UNC13C: variants seen among roughly 807,000 people sequenced by gnomAD.
The protein encoded by UNC13C is protein unc-13 homolog C.
In UNC13C, 174 loss-of-function variants were observed where a neutral mutation model predicts 245.4. The observed-to-expected ratio is 0.71, with a 90% CI of 0.63 to 0.80. The LOEUF (loss-of-function observed/expected upper bound fraction) is 0.80, where lower values mean the gene tolerates loss of function less well. Ranked by LOEUF, UNC13C falls within the 30% of genes least tolerant of loss-of-function variation. The pLI, the probability that UNC13C is intolerant of heterozygous loss-of-function variation, is 0.00. For synonymous variants in UNC13C, 992 were observed against 895.1 expected, an observed-to-expected ratio of 1.11 and a Z score of -1.93; for missense variants, 2,829 against 2,602.9, an observed-to-expected ratio of 1.09 and a Z score of -1.89.
intron 23 of UNC13C, among the ~76,000 whole-genome samples, chr15:54,508,505 G>A (rs1275832690): frequency 1.3e-5 from 2 of 151,972 alleles, no homozygotes; most frequent in African/African-American, 4.8e-5. Context: ...TTTATACTTG[G>A]AAAAATTAAA....
At chr15:54,463,975 T>C (rs1476493645) in intron 19 of UNC13C, among the ~76,000 whole-genome samples, 2 of 152,110 alleles carry the variant, frequency 1.3e-5, no homozygotes, top group Non-Finnish European at 2.9e-5. Context: ...ATCTACATAG[T>C]TATTAAAATC....
intron 4 of UNC13C, among the ~76,000 whole-genome samples, chr15:54,148,849 T>C (rs1897065): frequency 0.93 from 140,895 of 152,234 alleles, 66,096 homozygotes; most frequent in Non-Finnish European, 1. Context: ...ATGCTCTGAA[T>C]CAGGTTTGCC....
chr15:54,153,866 G>A lies in UNC13C; in HGVS notation c.3071+10182G>A, dbSNP rs115652070. On this transcript the variant is annotated intron_variant, in intron 4 of 32. Transcript: ENST00000260323. Reference sequence around the variant, plus strand: ...ATGATTGATATTGTACTCAGGGGTGGCTCTTATTGAAATGCCTCAGGAATT... The same window carrying A: ...ATGATTGATATTGTACTCAGGGGTGACTCTTATTGAAATGCCTCAGGAATT... 4.2e-3 allele frequency among the ~76,000 whole-genome samples: 644 copies of A among 151,966 alleles called. 1 individual carries two copies. Among genetic ancestry groups the A allele is most frequent in the African/African-American group, 0.015 (625 of 41,510 alleles).
At chr15:54,133,074 T>C (rs981165788) in intron 2 of UNC13C, among the ~76,000 whole-genome samples, 2 of 152,034 alleles carry the variant, frequency 1.3e-5, no homozygotes, top group African/African-American at 4.8e-5. Flanking sequence ...TGAATATTTA[T>C]TTTTCGTGGT....
At chr15:54,340,834 T>G (rs925766830) in intron 17 of UNC13C, among the ~76,000 whole-genome samples, 1 of 152,236 alleles carries the variant, frequency 6.6e-6, no homozygotes, top group Admixed American at 6.5e-5. Flanking sequence ...ATTATCATGG[T>G]ATTTTGATGG....
the UNC13C span, among the ~76,000 whole-genome samples, chr15:53,933,666 C>T: frequency 6.6e-6 from 1 of 152,156 alleles, no homozygotes; most frequent in African/African-American, 2.4e-5. Flanking sequence ...ACTGTAGCTC[C>T]CTGAGTGCAC....
chr15:54,411,538 GA>G (rs1442158069), intron 18 of UNC13C, among the ~76,000 whole-genome samples: 1 of 152,058 alleles, frequency 6.6e-6, no homozygotes, highest in African/African-American at 2.4e-5. Context: ...TATGAGTCAA[GA>G]TTTTTTTCTT....
chr15:54,415,329 C>T (rs1305987448), intron 19 of UNC13C, among the ~76,000 whole-genome samples: 1 of 152,046 alleles, frequency 6.6e-6, no homozygotes, highest in Non-Finnish European at 1.5e-5. Context: ...TGCTCATATG[C>T]AAGAATACTT....
chr15:53,997,841 T>A (rs897153435), intron 1 of UNC13C, among the ~76,000 whole-genome samples: 1 of 152,146 alleles, frequency 6.6e-6, no homozygotes, highest in East Asian at 1.9e-4. Context: ...CTCACTCTGT[T>A]GCCCAGGCTG....
chr15:54,008,630 C>G (rs1895247413), intron 1 of UNC13C, among the ~76,000 whole-genome samples: 1 of 152,122 alleles, frequency 6.6e-6, no homozygotes, highest in South Asian at 2.1e-4. Flanking sequence ...ATGATGTTAT[C>G]TTTGCGTTCA....
At chr15:54,230,808 A>G (rs1398404342) in intron 4 of UNC13C, among the ~76,000 whole-genome samples, 1 of 152,064 alleles carries the variant, frequency 6.6e-6, no homozygotes. Context: ...AACTTGATTT[A>G]ATCAGCCCAC....
intron 2 of UNC13C, among the ~76,000 whole-genome samples, chr15:54,027,297 G>A (rs1896152358): frequency 6.6e-6 from 1 of 152,118 alleles, no homozygotes; most frequent in Non-Finnish European, 1.5e-5. Context: ...AGACACTATG[G>A]AAAGCCATGG....
chr15:53,857,214 G>A, the UNC13C span, among the ~76,000 whole-genome samples: 1 of 152,130 alleles, frequency 6.6e-6, no homozygotes, highest in Non-Finnish European at 1.5e-5. Flanking sequence ...CTCTGGCTCA[G>A]GAGGCTGTCT....
At chr15:54,077,376 C>CCTT (rs1898687646) in intron 2 of UNC13C, among the ~76,000 whole-genome samples, 2 of 62,698 alleles carry the variant, frequency 3.2e-5, no homozygotes, top group Non-Finnish European at 5.7e-5. Context: ...CTTTTCTTTT[C>CCTT]TTTTTTTTTT....
At chr15:54,462,540 C>G (rs1290237602) in intron 19 of UNC13C, among the ~76,000 whole-genome samples, 5 of 152,210 alleles carry the variant, frequency 3.3e-5, no homozygotes, top group African/African-American at 1.2e-4. Flanking sequence ...GGTGGGCCCA[C>G]ACTTTGAGCA....
At chr15:54,589,033 A>G (rs915265756) in intron 30 of UNC13C, among the ~76,000 whole-genome samples, 3 of 151,958 alleles carry the variant, frequency 2.0e-5, no homozygotes, top group Non-Finnish European at 4.4e-5. Context: ...TGGTAATTCT[A>G]CTTTTAGTTC....
At chr15:54,148,988 G>T (rs2032400329) in intron 4 of UNC13C, among the ~76,000 whole-genome samples, 1 of 152,176 alleles carries the variant, frequency 6.6e-6, no homozygotes, top group African/African-American at 2.4e-5. Flanking sequence ...CATGTGTCAA[G>T]GAGGGACCTG....
chr15:54,041,454 C>A (rs994957751), intron 2 of UNC13C, among the ~76,000 whole-genome samples: 1 of 152,092 alleles, frequency 6.6e-6, no homozygotes. Flanking sequence ...AAATGACTGT[C>A]AAGACTCAGA....
At chr15:54,433,190 T>A (rs755263325) in intron 19 of UNC13C, among the ~76,000 whole-genome samples, 3 of 152,084 alleles carry the variant, frequency 2.0e-5, no homozygotes, top group Non-Finnish European at 2.9e-5. Flanking sequence ...CTTCTAAAAC[T>A]ATTCCAAACA....
Sources: gnomAD v4.1 joint callset for allele counts (sites outside exome capture counted in the v4.1 genomes callset) on GRCh38, gnomAD v4.1.1 for gene constraint, MANE v1.5 for transcripts, NCBI Gene and HGNC (gene_info 2026-07-23, HGNC 2026-07-21) for gene names.